CFAP47: variants seen among roughly 807,000 people sequenced by gnomAD.
CFAP47 encodes the protein cilia and flagella associated protein 47.
In CFAP47, 29 loss-of-function variants were observed where a neutral mutation model predicts 148.1. The ratio of observed to expected loss-of-function variants is 0.20; its 90% CI spans 0.15 to 0.27. The LOEUF is 0.27. Ranked by LOEUF, CFAP47 falls within the 10% of genes least tolerant of loss-of-function variation. CFAP47 has a pLI of 1.00. For missense variants in CFAP47, 1,872 were observed against 1,697.5 expected (o/e 1.10, Z -1.81); for synonymous variants, 664 against 577.3 (o/e 1.15, Z -2.15).
At chrX:36,370,149 G>A (rs782091292) in intron 62 of CFAP47, among the ~76,000 whole-genome samples, 2 of 110,836 alleles carry the variant, frequency 1.8e-5, no homozygotes, top group African/African-American at 3.3e-5. Flanking sequence ...TGTGCACAAC[G>A]TGCAGGTTTG....
At chrX:36,362,052 C>T (rs891714608) in intron 61 of CFAP47, among the ~76,000 whole-genome samples, 2 of 111,867 alleles carry the variant, frequency 1.8e-5, no homozygotes, top group African/African-American at 6.5e-5. Context: ...TGTTACTCAG[C>T]ATCTGCAAAC....
At chrX:36,167,577 C>A (rs189455962) in intron 39 of CFAP47, among the ~76,000 whole-genome samples, 1 of 111,308 alleles carries the variant, frequency 9.0e-6, no homozygotes, top group African/African-American at 3.3e-5. Context: ...GAGCTTCTCA[C>A]GGTCTCTCAA....
chrX:36,001,368 T>C (rs141614556), intron 20 of CFAP47, among the ~76,000 whole-genome samples: 1,459 of 111,589 alleles, frequency 0.013, 10 homozygotes, highest in Middle Eastern at 0.037. Context: ...TTATTCCTAT[T>C]TATATTCATC....
intron 42 of CFAP47, among the ~76,000 whole-genome samples, chrX:36,198,412 T>C (rs1163574789): frequency 8.9e-6 from 1 of 111,884 alleles, no homozygotes; most frequent in East Asian, 2.8e-4. Flanking sequence ...ATTCTTCTTA[T>C]ACAGATGAAG....
intron 23 of CFAP47, among the ~76,000 whole-genome samples, chrX:36,033,976 A>T (rs989366689): frequency 1.3e-4 from 14 of 111,261 alleles, no homozygotes; most frequent in African/African-American, 4.2e-4. Flanking sequence ...ACACTACCAT[A>T]GGGCATTTTT....
chrX:36,309,993 C>G (rs1042186539), intron 55 of CFAP47, among the ~76,000 whole-genome samples: 3 of 110,442 alleles, frequency 2.7e-5, no homozygotes, highest in African/African-American at 9.9e-5. Flanking sequence ...ACTACTTCTC[C>G]TTATTTGAAG....
intron 62 of CFAP47, among the ~76,000 whole-genome samples, chrX:36,371,645 T>C (rs1350114928): frequency 2.4e-5 from 2 of 84,750 alleles, no homozygotes; most frequent in African/African-American, 9.9e-5. Flanking sequence ...TACACACATA[T>C]GTGTATATAT....
chrX:36,021,615 G>T (rs1937159691), intron 22 of CFAP47, among the ~76,000 whole-genome samples: 1 of 110,932 alleles, frequency 9.0e-6, no homozygotes, highest in Non-Finnish European at 1.9e-5. Context: ...CCATCATCTA[G>T]GTTTTAAGCC....
At chrX:36,161,135 C>T (rs1939425724) in intron 39 of CFAP47, among the ~76,000 whole-genome samples, 1 of 111,129 alleles carries the variant, frequency 9.0e-6, no homozygotes. Context: ...CATGAACCAC[C>T]GCGCCTGGCC....
At chrX:36,332,179 A>G (rs1377798197) in intron 57 of CFAP47, among the ~76,000 whole-genome samples, 5 of 112,036 alleles carry the variant, frequency 4.5e-5, no homozygotes, top group African/African-American at 1.6e-4. Flanking sequence ...TTTAAAGTAA[A>G]ATTTCTGGAA....
rs1335147489 is a variant in CFAP47 at position 36,313,158 on chromosome X, T to TAA, written c.8344+2173_8344+2174dup. Among the ~76,000 whole-genome samples the TAA allele has an allele frequency of 1.2e-4, 13 of 111,522 alleles. No individual in the cohort carries two copies. The Admixed American group carries it at 1.3e-3, about 11-fold the overall frequency. On this transcript the variant is annotated intron_variant, in intron 56 of 63. Coordinates refer to ENST00000378653, the MANE Select transcript of CFAP47 (RefSeq NM_001304548.2). ...TAATATATATGCAAAATATACTCAT[T>TAA]AAAAATAGAGATTAATACTATATTA...
At chrX:35,951,739 ACCT>A in intron 5 of CFAP47, 61 bp from the exon 6 acceptor site, 3 of 1,007,814 alleles carry the variant, frequency 3.0e-6, no homozygotes, top group Non-Finnish European at 3.8e-6. Context: ...TTATTTTGTA[ACCT>A]CCTCAAAAAT....
At chrX:35,971,531 A>AT (rs1936490412) in intron 11 of CFAP47, 55 bp from the exon 12 acceptor site, 1 of 825,221 alleles carries the variant, frequency 1.2e-6, no homozygotes, top group Non-Finnish European at 1.7e-6. Flanking sequence ...TTACAGATGC[A>AT]TTTTTTGAAT....
At chrX:36,211,542 C>T (rs1940100576) in intron 45 of CFAP47, 1 of 303,182 alleles carries the variant, frequency 3.3e-6, no homozygotes. Context: ...AAAGCAGCCT[C>T]ATGAAAAGAA....
At chrX:36,271,300 C>A (rs1940956122) in intron 49 of CFAP47, among the ~76,000 whole-genome samples, 1 of 111,736 alleles carries the variant, frequency 8.9e-6, no homozygotes, top group African/African-American at 3.3e-5. Context: ...CCATGGTTCA[C>A]AAACTGATGA....
intron 61 of CFAP47, 37 bp downstream of exon 61, chrX:36,361,538 T>TATTA (rs782259496): frequency 1.9e-4 from 120 of 631,258 alleles, no homozygotes; most frequent in Non-Finnish European, 2.4e-4. Context: ...TAAACAATAG[T>TATTA]ATTACCCTTT....
chrX:36,002,715 A>G (rs1936930515), intron 21 of CFAP47, among the ~76,000 whole-genome samples: 1 of 111,850 alleles, frequency 8.9e-6, no homozygotes, highest in Non-Finnish European at 1.9e-5. Flanking sequence ...TAATACACCA[A>G]CATAACTAAA....
chrX:36,323,033 A>C (rs782001005), intron 57 of CFAP47, among the ~76,000 whole-genome samples: 24 of 111,070 alleles, frequency 2.2e-4, no homozygotes, highest in Middle Eastern at 4.6e-3. Context: ...AATTACCTCT[A>C]GGGACACTAT....
At position 36,342,286 on chromosome X, in the gene CFAP47, G is replaced by C. The variant is rs183832072; in HGVS notation, c.8444-5843G>C. 5.5e-3 allele frequency among the ~76,000 whole-genome samples: 611 copies of C among 111,862 alleles called. 1 individual carries two copies. The highest frequency in any genetic ancestry group is 0.019 in the African/African-American group (586 of 30,840). Reference sequence around the variant, plus strand: ...ATAAATGGTATGTTTTTGTTCTTGGGTAGGTATGGATGAACAAAAATTTCA... The same window carrying C: ...ATAAATGGTATGTTTTTGTTCTTGGCTAGGTATGGATGAACAAAAATTTCA... On this transcript the variant is annotated intron_variant, in intron 57 of 63. Transcript: ENST00000378653.
Sources: gnomAD v4.1 joint callset for allele counts (sites outside exome capture counted in the v4.1 genomes callset) on GRCh38, gnomAD v4.1.1 for gene constraint, MANE v1.5 for transcripts, NCBI Gene and HGNC (gene_info 2026-07-23, HGNC 2026-07-21) for gene names.